Variants in PRRC2C observed in about 807,000 individuals in gnomAD.
The protein encoded by PRRC2C is protein PRRC2C.
In PRRC2C, 72 loss-of-function variants were observed where a neutral mutation model predicts 317.2. That is an observed-to-expected ratio of 0.23 (90% confidence interval 0.19 to 0.28). The LOEUF (loss-of-function observed/expected upper bound fraction) is 0.28. Among genes scored for constraint, PRRC2C ranks in the 10% least tolerant of loss-of-function variants. The pLI is 1.00. For missense variants in PRRC2C, 3,074 were observed against 3,459.7 expected, an observed-to-expected ratio of 0.89 and a Z score of 2.80; for synonymous variants, 1,296 against 1,205.9, an observed-to-expected ratio of 1.07 and a Z score of -1.55.
chr1:171,544,187 ATC>A (rs1678572099), intron 16 of PRRC2C, among the ~76,000 whole-genome samples: 1 of 152,026 alleles, frequency 6.6e-6, no homozygotes, highest in Non-Finnish European at 1.5e-5. Flanking sequence ...CAGTGGCGCA[ATC>A]TCTGCTCACT....
intron 20 of PRRC2C, among the ~76,000 whole-genome samples, chr1:171,564,253 G>C (rs1192241460): frequency 1.3e-5 from 2 of 152,080 alleles, no homozygotes; most frequent in South Asian, 2.1e-4. Flanking sequence ...GCCTTACAAA[G>C]ACTTGATATT....
In PRRC2C at chr1:171,542,057, G is replaced by C; in HGVS notation, c.4591G>C (p.Glu1531Gln). Reference protein sequence around the residue: ...LNAQTVVKVGENVLPPKREIA... With the variant: ...LNAQTVVKVGQNVLPPKREIA... ...TGCACAAACAGTTGTAAAGGTTGGA[G>C]AGAATGTTCTACCTCCAAAGAGGGA... The change falls in exon 16 of 35, where the codon GAG becomes CAG. Residue 1531 changes from glutamate (E) to glutamine (Q), a missense_variant. Transcript: ENST00000647382. 1 of 1,613,936 alleles carries C rather than the reference G, an allele frequency of 6.2e-7. No individual in the cohort carries two copies. The highest frequency in any genetic ancestry group is 8.5e-7 in the Non-Finnish European group (1 of 1,179,880).
intron 32 of PRRC2C, among the ~76,000 whole-genome samples, chr1:171,587,983 T>C (rs867826304): frequency 6.6e-6 from 1 of 152,078 alleles, no homozygotes; most frequent in Middle Eastern, 3.4e-3. Flanking sequence ...TTTTCTTTTA[T>C]TTTTTTTGAG....
Position 171,517,784 on chromosome 1 carries a change from T to G in PRRC2C, c.720T>G (p.Ala240=), listed in dbSNP as rs1406132590. The G allele has an allele frequency of 1.2e-6, 2 of 1,613,506 alleles. No individual in the cohort carries two copies. Among genetic ancestry groups the G allele is most frequent in the Non-Finnish European group, 8.5e-7 (1 of 1,179,852 alleles). ...AKLNGQQAAL[A]SQYRAMMPPY... ...TGAATGGACAGCAGGCTGCTCTCGC[T>G]TCCCAGTATAGAGCTATGATGCCTC... The change falls in exon 6 of 35, where the codon GCT becomes GCG. Residue 240 remains alanine (A), a synonymous_variant. Coordinates refer to ENST00000647382, the MANE Select transcript of PRRC2C (RefSeq NM_001387844.1).
intron 12 of PRRC2C, among the ~76,000 whole-genome samples, 161 bp downstream of exon 12, chr1:171,533,122 A>G (rs973230491): frequency 6.6e-6 from 1 of 152,194 alleles, no homozygotes; most frequent in Non-Finnish European, 1.5e-5. Flanking sequence ...CGTGTTTTCT[A>G]ATTCTGTATA....
intron 10 of PRRC2C, among the ~76,000 whole-genome samples, chr1:171,526,004 T>A (rs535518975): frequency 1.8e-4 from 27 of 152,338 alleles, no homozygotes; most frequent in African/African-American, 5.8e-4. Flanking sequence ...AAGAATTTTT[T>A]AAATAACATT....
intron 1 of PRRC2C, among the ~76,000 whole-genome samples, chr1:171,502,860 A>G (rs908940661): frequency 6.6e-6 from 1 of 152,040 alleles, no homozygotes; most frequent in African/African-American, 2.4e-5. Flanking sequence ...ACTACCTGGG[A>G]TTACAGGCAT....
In PRRC2C at chr1:171,514,591, G is replaced by T; in HGVS notation, c.346G>T (p.Val116Leu). 1 of 1,562,204 alleles carries T rather than the reference G, an allele frequency of 6.4e-7. No homozygotes were observed. The highest frequency in any genetic ancestry group is 8.7e-7 in the Non-Finnish European group (1 of 1,153,268). Residue 116 changes from valine to leucine, a missense_variant, in exon 4 of 35, where the codon GTA becomes TTA. Val to Leu is a conservative substitution (Grantham distance 32, BLOSUM62 1). This residue lies in a region of PRRC2C where 237 missense variants were observed against 199.5 expected (regional missense o/e 1.19). Coordinates refer to ENST00000647382, the MANE Select transcript of PRRC2C (RefSeq NM_001387844.1). Reference protein sequence around the residue: ...PKPGVAAPPEVAPAPKSWASN... With the variant: ...PKPGVAAPPELAPAPKSWASN... ...ACCTGGGGTTGCAGCTCCCCCAGAA[G>T]TAGCACCTGCTCCCAAATCATGGGC...
At chr1:171,577,287 C>G (rs1572104358) in intron 25 of PRRC2C, 147 bp from the exon 26 acceptor site, 1 of 580,488 alleles carries the variant, frequency 1.7e-6, no homozygotes, top group Non-Finnish European at 3.0e-6. Flanking sequence ...CTTTTATAAG[C>G]TACCTCATCT....
chr1:171,564,840 T>A (rs146961214), intron 20 of PRRC2C, among the ~76,000 whole-genome samples: 2,265 of 152,344 alleles, frequency 0.015, 33 homozygotes, highest in Non-Finnish European at 0.021. Context: ...ATCACCATTA[T>A]ATGGCACATG....
At chr1:171,513,589 T>A (rs1671773096) in intron 3 of PRRC2C, 1 of 356,980 alleles carries the variant, frequency 2.8e-6, no homozygotes. Context: ...AGTAATAATT[T>A]GTATATACTG....
chr1:171,558,209 T>G, intron 19 of PRRC2C, 66 bp downstream of exon 19: 1 of 1,476,802 alleles, frequency 6.8e-7, no homozygotes. Context: ...CTTTTCAATT[T>G]TATTTATATA....
At chr1:171,559,509 G>GTT (rs869093669) in intron 19 of PRRC2C, among the ~76,000 whole-genome samples, 3 of 33,752 alleles carry the variant, frequency 8.9e-5, no homozygotes, top group Non-Finnish European at 1.2e-4. Flanking sequence ...TACCAAGTTT[G>GTT]TTTTTTTTTT....
chr1:171,561,128 A>T (rs766492693), intron 20 of PRRC2C, 25 bp downstream of exon 20: 2 of 1,540,226 alleles, frequency 1.3e-6, no homozygotes, highest in Non-Finnish European at 1.8e-6. Flanking sequence ...TTAACAGCAT[A>T]GGTGTGCTGG....
At chr1:171,573,447 C>T (rs1685121015) in intron 24 of PRRC2C, among the ~76,000 whole-genome samples, 1 of 152,112 alleles carries the variant, frequency 6.6e-6, no homozygotes, top group South Asian at 2.1e-4. Context: ...AAATTATATT[C>T]TAGCTTACTT....
chr1:171,557,862 C>T lies in PRRC2C; in HGVS notation c.5750C>T (p.Ala1917Val). 3 of 1,540,534 alleles carry T rather than the reference C, an allele frequency of 1.9e-6. No individual in the cohort carries two copies. The highest frequency in any genetic ancestry group is 2.6e-6 in the Non-Finnish European group (3 of 1,141,448). ...APASASAPAP[A>V]PTPVSAPNPA... is the part of the protein sequence containing the mutation. ...GCCTCAGCTTCAGCCCCAGCCCCAG[C>T]CCCTACCCCAGTCTCAGCCCCAAAT... The change falls in exon 19 of 35, where the codon GCC becomes GTC. Residue 1917 changes from alanine to valine, a missense_variant. Ala to Val is a moderately conservative substitution (Grantham distance 64, BLOSUM62 0). Transcript: ENST00000647382.
intron 1 of PRRC2C, among the ~76,000 whole-genome samples, chr1:171,505,226 C>T (rs996985075): frequency 2.3e-4 from 35 of 152,066 alleles, no homozygotes; most frequent in Admixed American, 2.6e-4. Context: ...CAGAGTTTCT[C>T]CATGTTGGTC....
chr1:171,584,718 C>A (rs747440585), intron 30 of PRRC2C, among the ~76,000 whole-genome samples, 192 bp downstream of exon 30: 1 of 152,146 alleles, frequency 6.6e-6, no homozygotes, highest in Non-Finnish European at 1.5e-5. Context: ...CCCCCCTTCT[C>A]ACCACCATCA....
Position 171,566,833 on chromosome 1 carries a change from C to T in PRRC2C, c.6548C>T (p.Thr2183Ile), listed in dbSNP as rs755930205. The change falls in exon 22 of 35, where the codon ACT (threonine) becomes ATT (isoleucine). Residue 2183 changes from threonine to isoleucine, a missense_variant. By Grantham distance (89) the Thr-to-Ile change is moderately conservative. Around this residue, in one of 11 missense-constraint regions of PRRC2C, gnomAD observed 640 missense variants for 676.1 expected, o/e 0.95. Coordinates refer to ENST00000647382, the MANE Select transcript of PRRC2C (RefSeq NM_001387844.1). ...TCGGTATCATCTGCAGAATATGGTA[C>T]TAATGCAAAGGTAAGCCACATGTAG... ...MISVSSAEYG[T>I]NAKESVTDYT... 3.1e-6 allele frequency: 5 copies of T among 1,611,596 alleles called. No individual in the cohort carries two copies. Among genetic ancestry groups the T allele is most frequent in the South Asian group, 1.1e-5 (1 of 90,506 alleles).
Sources: allele counts gnomAD v4.1 joint callset (sites outside exome capture counted in the v4.1 genomes callset), GRCh38; gene constraint gnomAD v4.1.1; regional missense constraint gnomAD v4.1.1; transcripts MANE v1.5; gene names NCBI Gene and HGNC (gene_info 2026-07-23, HGNC 2026-07-21).